Variants in LRMDA observed in about 807,000 individuals in gnomAD.
LRMDA encodes the protein leucine-rich melanocyte differentiation-associated protein.
LRMDA carries 18 observed loss-of-function variants against 29.8 expected under a neutral mutation model. That is an observed-to-expected ratio of 0.60 (90% CI 0.42 to 0.90). The LOEUF is 0.90. Among genes scored for constraint, LRMDA ranks in the 40% least tolerant of loss-of-function variants. The probability of loss-of-function intolerance (pLI) is 0.00; values close to 1 mark genes in which losing one functional copy is unlikely to be tolerated. For synonymous variants in LRMDA, 125 were observed against 109.4 expected (o/e 1.14, Z -0.89); for missense variants, 273 against 273.9 (o/e 1.00, Z 0.02).
At chr10:76,245,413 C>T (rs887697800) in intron 5 of LRMDA, among the ~76,000 whole-genome samples, 1 of 152,104 alleles carries the variant, frequency 6.6e-6, no homozygotes, top group Admixed American at 6.6e-5. Flanking sequence ...GGGACATTAG[C>T]CCTCTTCCCA....
chr10:76,240,846 GTATA>G (rs56232296), intron 5 of LRMDA, among the ~76,000 whole-genome samples: 3 of 71,568 alleles, frequency 4.2e-5, no homozygotes, highest in East Asian at 3.4e-4. Flanking sequence ...ATATATGTGT[GTATA>G]TATATATATA....
intron 5 of LRMDA, among the ~76,000 whole-genome samples, chr10:76,123,092 A>G (rs77442246): frequency 0.011 from 1,681 of 152,262 alleles, 15 homozygotes; most frequent in Non-Finnish European, 0.018. Context: ...TCTCCATGCT[A>G]TCCTCTGGTG....
chr10:76,484,449 G>A (rs1842762491), intron 6 of LRMDA, among the ~76,000 whole-genome samples: 1 of 151,888 alleles, frequency 6.6e-6, no homozygotes, highest in South Asian at 2.1e-4. Flanking sequence ...ACATGATATG[G>A]CTTTCTATTG....
intron 2 of LRMDA, among the ~76,000 whole-genome samples, chr10:75,451,978 T>C (rs1381261524): frequency 6.6e-6 from 1 of 152,140 alleles, no homozygotes; most frequent in Non-Finnish European, 1.5e-5. Flanking sequence ...GGGGGTTATA[T>C]GTGCATGCTA....
At chr10:75,985,675 A>G (rs1307551237) in intron 2 of LRMDA, among the ~76,000 whole-genome samples, 2 of 152,218 alleles carry the variant, frequency 1.3e-5, no homozygotes, top group Middle Eastern at 3.2e-3. Flanking sequence ...TTGGCCAGTC[A>G]GTTTCTGTGC....
intron 2 of LRMDA, among the ~76,000 whole-genome samples, chr10:75,750,094 C>G (rs1477797609): frequency 6.6e-6 from 1 of 152,118 alleles, no homozygotes; most frequent in Non-Finnish European, 1.5e-5. Flanking sequence ...TTTTTCTATT[C>G]GACAAAACCA....
At chr10:75,973,683 G>A (rs992688617) in intron 2 of LRMDA, among the ~76,000 whole-genome samples, 6 of 152,172 alleles carry the variant, frequency 3.9e-5, no homozygotes, top group African/African-American at 7.2e-5. Context: ...GCCTCCCAAA[G>A]TGCTGGGATT....
At chr10:76,251,857 A>G (rs1852491213) in intron 5 of LRMDA, among the ~76,000 whole-genome samples, 1 of 152,208 alleles carries the variant, frequency 6.6e-6, no homozygotes, top group African/African-American at 2.4e-5. Context: ...TGAGGGCTGT[A>G]AACAGAGTCC....
At chr10:76,468,589 G>T (rs1224962578) in intron 6 of LRMDA, among the ~76,000 whole-genome samples, 3 of 152,174 alleles carry the variant, frequency 2.0e-5, no homozygotes, top group Non-Finnish European at 4.4e-5. Flanking sequence ...TCACATGAGG[G>T]ATGATTCAGC....
At chr10:76,049,765 G>A (rs1452019211) in intron 4 of LRMDA, among the ~76,000 whole-genome samples, 1 of 151,174 alleles carries the variant, frequency 6.6e-6, no homozygotes, top group African/African-American at 2.4e-5. Flanking sequence ...TTTTTCTTTT[G>A]GTAAAACATT....
At chr10:76,453,425 G>A (rs967269389) in intron 6 of LRMDA, among the ~76,000 whole-genome samples, 12 of 152,148 alleles carry the variant, frequency 7.9e-5, no homozygotes, top group African/African-American at 2.7e-4. Context: ...ATGACATACA[G>A]AGTCTTCTTG....
chr10:75,454,474 G>A (rs564569445), intron 2 of LRMDA, among the ~76,000 whole-genome samples: 57 of 152,232 alleles, frequency 3.7e-4, no homozygotes, highest in African/African-American at 1.1e-3. Context: ...CTGGGGTATC[G>A]TTTTCCGAGT....
chr10:76,116,960 G>C (rs923681650), intron 5 of LRMDA, among the ~76,000 whole-genome samples: 1 of 151,976 alleles, frequency 6.6e-6, no homozygotes, highest in Non-Finnish European at 1.5e-5. Context: ...TGTTATTCAC[G>C]TCTATCCAAT....
chr10:75,595,466 G>C (rs1018093929), intron 2 of LRMDA, among the ~76,000 whole-genome samples: 2 of 151,632 alleles, frequency 1.3e-5, no homozygotes, highest in African/African-American at 4.8e-5. Context: ...TGACAGCTAT[G>C]TTTTGGGCCA....
chr10:75,672,521 T>C (rs199536244), intron 2 of LRMDA, among the ~76,000 whole-genome samples: 360 of 26,536 alleles, frequency 0.014, 83 homozygotes, highest in East Asian at 0.068. Context: ...TTTTCTTTTC[T>C]TTTCCTCCCC....
intron 6 of LRMDA, among the ~76,000 whole-genome samples, chr10:76,451,903 C>T (rs558156755): frequency 1.3e-5 from 2 of 151,986 alleles, no homozygotes; most frequent in Non-Finnish European, 2.9e-5. Flanking sequence ...GTGATCTGCC[C>T]ACCTCGGCCT....
chr10:75,814,372 T>G (rs535360916), intron 2 of LRMDA, among the ~76,000 whole-genome samples: 2 of 152,350 alleles, frequency 1.3e-5, no homozygotes, highest in Admixed American at 6.5e-5. Flanking sequence ...TTATGCTGTC[T>G]GAATGTTCCT....
intron 5 of LRMDA, among the ~76,000 whole-genome samples, chr10:76,284,369 A>G (rs1589410359): frequency 6.6e-6 from 1 of 152,114 alleles, no homozygotes; most frequent in South Asian, 2.1e-4. Flanking sequence ...AAATGGAGCC[A>G]GGGGTGCAAG....
intron 6 of LRMDA, among the ~76,000 whole-genome samples, chr10:76,518,967 C>T (rs1843091957): frequency 6.6e-6 from 1 of 152,058 alleles, no homozygotes; most frequent in Admixed American, 6.6e-5. Flanking sequence ...TCTCTGACTA[C>T]AATAAAATTT....
Sources: allele counts gnomAD v4.1 joint callset (sites outside exome capture counted in the v4.1 genomes callset), GRCh38; gene constraint gnomAD v4.1.1; transcripts MANE v1.5; gene names NCBI Gene and HGNC (gene_info 2026-07-23, HGNC 2026-07-21).